FARS2: variants seen among roughly 807,000 people sequenced by gnomAD.
FARS2 encodes phenylalanyl-tRNA synthetase 2, mitochondrial.
In FARS2, 40 loss-of-function variants were observed where a neutral mutation model predicts 46.4. That is an observed-to-expected ratio of 0.86 (90% CI 0.67 to 1.12). FARS2 has a LOEUF of 1.12. FARS2 is among the 50% of genes most tolerant of loss of function. The probability of loss-of-function intolerance (pLI) is 0.00; values close to 1 mark genes in which losing one functional copy is unlikely to be tolerated. For missense variants in FARS2, 513 were observed against 567.9 expected (o/e 0.90, Z 0.98); for synonymous variants, 234 against 214.9 (o/e 1.09, Z -0.78).
intron 4 of FARS2, among the ~76,000 whole-genome samples, chr6:5,511,586 C>G (rs965111432): frequency 3.3e-5 from 5 of 152,120 alleles, no homozygotes; most frequent in Admixed American, 1.3e-4. Flanking sequence ...GCCATAAAAA[C>G]CAAAGAGAAA....
chr6:5,289,258 G>A (rs1767339780), intron 1 of FARS2, among the ~76,000 whole-genome samples: 1 of 152,236 alleles, frequency 6.6e-6, no homozygotes. Flanking sequence ...CCAAAGACTG[G>A]AAATAATAGA....
intron 4 of FARS2, among the ~76,000 whole-genome samples, chr6:5,453,948 G>A (rs1001036812): frequency 6.6e-6 from 1 of 152,204 alleles, no homozygotes; most frequent in African/African-American, 2.4e-5. Flanking sequence ...AAGATGACAA[G>A]ACCAGTGTGG....
chr6:5,617,800 C>T (rs552879452), intron 6 of FARS2, among the ~76,000 whole-genome samples: 14 of 152,338 alleles, frequency 9.2e-5, no homozygotes, highest in Admixed American at 8.5e-4. Context: ...TGTGTCACTT[C>T]AGCCCTGGAC....
chr6:5,520,983 C>T (rs1769098174), intron 4 of FARS2, among the ~76,000 whole-genome samples: 1 of 152,188 alleles, frequency 6.6e-6, no homozygotes, highest in African/African-American at 2.4e-5. Flanking sequence ...TGTTGTTTAA[C>T]AACAAGAGTG....
intron 1 of FARS2, among the ~76,000 whole-genome samples, chr6:5,366,331 G>A (rs1758675226): frequency 6.6e-6 from 1 of 152,070 alleles, no homozygotes; most frequent in South Asian, 2.1e-4. Context: ...TATCCTCCTG[G>A]GTCTCTTATG....
chr6:5,685,177 C>G (rs959450669), intron 6 of FARS2, among the ~76,000 whole-genome samples: 1 of 152,082 alleles, frequency 6.6e-6, no homozygotes, highest in Non-Finnish European at 1.5e-5. Flanking sequence ...TCATTTGGGG[C>G]CAGAACCAAT....
intron 6 of FARS2, among the ~76,000 whole-genome samples, chr6:5,754,644 T>G (rs1762117165): frequency 6.6e-6 from 1 of 152,256 alleles, no homozygotes; most frequent in African/African-American, 2.4e-5. Flanking sequence ...TGTCTCACTT[T>G]GAAAATGTTT....
intron 4 of FARS2, among the ~76,000 whole-genome samples, chr6:5,522,708 G>A (rs1254817597): frequency 1.3e-5 from 2 of 152,166 alleles, no homozygotes; most frequent in Non-Finnish European, 1.5e-5. Flanking sequence ...GGGAAGAGTG[G>A]CCATTTTCTT....
At chr6:5,328,681 C>T (rs1458388517) in intron 1 of FARS2, among the ~76,000 whole-genome samples, 1 of 151,686 alleles carries the variant, frequency 6.6e-6, no homozygotes, top group Non-Finnish European at 1.5e-5. Context: ...CTCGGTGACT[C>T]CTACCTTAAC....
intron 6 of FARS2, among the ~76,000 whole-genome samples, chr6:5,632,503 C>T (rs1182097166): frequency 6.6e-6 from 1 of 152,050 alleles, no homozygotes; most frequent in Non-Finnish European, 1.5e-5. Context: ...AAAATATTTC[C>T]ATTACCCAGA....
chr6:5,381,370 A>AACAC (rs3057175), intron 2 of FARS2, among the ~76,000 whole-genome samples: 2,469 of 132,916 alleles, frequency 0.019, 30 homozygotes, highest in Admixed American at 0.034. Context: ...ACTCCCCAGA[A>AACAC]ACACACACAC....
chr6:5,546,068 C>T (rs1770964655), intron 5 of FARS2, among the ~76,000 whole-genome samples: 2 of 151,940 alleles, frequency 1.3e-5, no homozygotes, highest in South Asian at 4.2e-4. Flanking sequence ...GCAGAGGTTG[C>T]AGTCAGCTGA....
chr6:5,648,832 A>G (rs890096402), intron 6 of FARS2, among the ~76,000 whole-genome samples: 2 of 152,180 alleles, frequency 1.3e-5, no homozygotes, highest in African/African-American at 4.8e-5. Context: ...CCTCACTGGC[A>G]AACACCTTTT....
At chr6:5,417,418 G>A (rs907328470) in intron 3 of FARS2, among the ~76,000 whole-genome samples, 4 of 152,004 alleles carry the variant, frequency 2.6e-5, no homozygotes, top group East Asian at 3.9e-4. Flanking sequence ...AGAGAGATGG[G>A]GTGTCACCAT....
intron 5 of FARS2, among the ~76,000 whole-genome samples, chr6:5,563,065 C>T (rs1287075470): frequency 1.3e-5 from 2 of 149,134 alleles, no homozygotes; most frequent in Admixed American, 1.4e-4. Context: ...AAGGAAGAAG[C>T]TCCCCCGTAC....
At chr6:5,301,065 G>A (rs1043251224) in intron 1 of FARS2, among the ~76,000 whole-genome samples, 1 of 151,956 alleles carries the variant, frequency 6.6e-6, no homozygotes, top group East Asian at 1.9e-4. Flanking sequence ...GTGCTTACTG[G>A]GGGTGGGAGG....
At position 5,551,801 on chromosome 6, in the gene FARS2, G is replaced by T. The variant is rs575372509; in HGVS notation, c.1065+6461G>T. 2.0e-5 allele frequency among the ~76,000 whole-genome samples: 3 copies of T among 152,212 alleles called. No homozygotes were observed. The South Asian group carries it at 6.2e-4, about 32-fold the overall frequency. On this transcript the variant is annotated intron_variant, in intron 5 of 6. Coordinates refer to ENST00000274680, the MANE Select transcript of FARS2 (RefSeq NM_006567.5). ...AGTCCTCAGTTCTTAGCTTATGACA[G>T]CATCACGTTGCCTTCCCCCAAGCCC...
chr6:5,761,616 G>GCC (rs950834385), intron 6 of FARS2, among the ~76,000 whole-genome samples: 1 of 152,124 alleles, frequency 6.6e-6, no homozygotes, highest in Admixed American at 6.6e-5. Context: ...TGCAGACTAA[G>GCC]CCAGAGAGAA....
At chr6:5,650,951 T>C (rs9328324) in intron 6 of FARS2, among the ~76,000 whole-genome samples, 81,670 of 152,058 alleles carry the variant, frequency 0.54, 22,826 homozygotes, top group Middle Eastern at 0.67. Flanking sequence ...TTCACCCTCT[T>C]GTGGTACCTC....
Sources: allele counts gnomAD v4.1 joint callset (sites outside exome capture counted in the v4.1 genomes callset), GRCh38; gene constraint gnomAD v4.1.1; transcripts MANE v1.5; gene names NCBI Gene and HGNC (gene_info 2026-07-23, HGNC 2026-07-21).